Variants in PROS1 observed in about 807,000 individuals in gnomAD.
PROS1 encodes vitamin K-dependent protein S.
In PROS1, 29 loss-of-function variants were observed where a neutral mutation model predicts 75.9. The ratio of observed to expected loss-of-function variants is 0.38; its 90% confidence interval spans 0.28 to 0.52. The LOEUF (loss-of-function observed/expected upper bound fraction) is 0.52, where lower values mean the gene tolerates loss of function less well. PROS1 is among the 20% of genes least tolerant of loss of function. The pLI, the probability that PROS1 is intolerant of heterozygous loss-of-function variation, is 0.83. For synonymous variants in PROS1, 245 were observed against 280.6 expected (o/e 0.87, Z 1.27); for missense variants, 680 against 810.3 (o/e 0.84, Z 1.95).
intron 12 of PROS1, among the ~76,000 whole-genome samples, chr3:93,883,649 C>T (rs1202694395): frequency 2.0e-5 from 3 of 151,204 alleles, no homozygotes; most frequent in African/African-American, 7.3e-5. Context: ...CCAAACCATT[C>T]CCTTATTCTA....
chr3:93,885,611 C>T (rs1226591356), intron 11 of PROS1, among the ~76,000 whole-genome samples: 1 of 152,182 alleles, frequency 6.6e-6, no homozygotes, highest in African/African-American at 2.4e-5. Flanking sequence ...TGTTTGCATT[C>T]TTTAGCCTCC....
At chr3:93,894,993 G>A (rs1256401556) in intron 9 of PROS1, among the ~76,000 whole-genome samples, 3 of 152,060 alleles carry the variant, frequency 2.0e-5, no homozygotes, top group Non-Finnish European at 4.4e-5. Flanking sequence ...ATTGGCTCCA[G>A]GACCTCTGGA....
chr3:93,971,841 T>C (rs1374335521), intron 1 of PROS1, among the ~76,000 whole-genome samples: 1 of 152,068 alleles, frequency 6.6e-6, no homozygotes, highest in Non-Finnish European at 1.5e-5. Context: ...AATCAAATCA[T>C]ATGGATTAAA....
intron 13 of PROS1, among the ~76,000 whole-genome samples, chr3:93,877,647 A>G (rs1325723705): frequency 6.6e-6 from 1 of 152,222 alleles, no homozygotes; most frequent in African/African-American, 2.4e-5. Context: ...AAGCAATCCT[A>G]CAGACTTGGG....
intron 3 of PROS1, among the ~76,000 whole-genome samples, chr3:93,913,619 A>T (rs1708794365): frequency 6.6e-6 from 1 of 152,226 alleles, no homozygotes; most frequent in Non-Finnish European, 1.5e-5. Context: ...CATGATTCTA[A>T]GTTTCCCAAG....
rs534952070 is a variant in PROS1 at position 93,892,829 on chromosome 3, A to G, written c.1155+104T>C. The G allele has an allele frequency of 2.8e-6, 3 of 1,084,522 alleles. No homozygotes were observed. The South Asian group carries it at 3.8e-5, about 14-fold the overall frequency. The allele number at this position is 1,084,522 out of a possible 1,614,324, so 67.2% of individuals were successfully genotyped here. A position where few individuals can be genotyped will look rare whatever the true frequency, so the allele number is the denominator to read the frequency against. On this transcript the variant is annotated intron_variant, in intron 10 of 14. Coordinates refer to ENST00000394236, the MANE Select transcript of PROS1 (RefSeq NM_000313.4). ...TAGAATATACCTCATATAGCATCAGATAACTCCAAATCCATTTTGGTTTGG... is the reference window on the plus strand; with the variant it reads ...TAGAATATACCTCATATAGCATCAGGTAACTCCAAATCCATTTTGGTTTGG...
chr3:93,928,847 T>G (rs776920152), intron 1 of PROS1: 1 of 755,880 alleles, frequency 1.3e-6, no homozygotes, highest in South Asian at 1.7e-5. Flanking sequence ...CTACAGAGAA[T>G]AAACGGGAAA....
intron 1 of PROS1, among the ~76,000 whole-genome samples, chr3:93,933,501 GA>G (rs1189321506): frequency 4.6e-5 from 7 of 151,840 alleles, no homozygotes; most frequent in Non-Finnish European, 1.5e-5. Flanking sequence ...CTTGAGCCCA[GA>G]AGGTTGAGGT....
chr3:93,940,657 A>G (rs1709269980), intron 1 of PROS1, among the ~76,000 whole-genome samples: 1 of 151,494 alleles, frequency 6.6e-6, no homozygotes, highest in African/African-American at 2.4e-5. Flanking sequence ...TTCCTCTCAT[A>G]TCCCCCTACT....
At chr3:93,924,340 T>C (rs1444688302) in intron 2 of PROS1, 76 bp from the exon 3 acceptor site, 1 of 867,258 alleles carries the variant, frequency 1.2e-6, no homozygotes, top group African/African-American at 1.7e-5. Context: ...TTTTATAATG[T>C]GTTTTTATAT....
rs555352788 is a variant in PROS1, at chr3:93,877,388, A to G, written c.1645-197T>C. The stretch of plus-strand genomic sequence containing the variant: ...AATAATTATGACTAAAATTTAAAAT[A>G]CACATTAGTTTTACAAACTCAAAGT... On this transcript the variant is annotated intron_variant, in intron 13 of 14. Transcript: ENST00000394236. 3.3e-5 allele frequency among the ~76,000 whole-genome samples: 5 copies of G among 152,304 alleles called. No homozygotes were observed. The South Asian group carries it at 1.0e-3, about 32-fold the overall frequency.
chr3:93,965,691 C>A (rs1214485729), intron 1 of PROS1, among the ~76,000 whole-genome samples: 1 of 152,010 alleles, frequency 6.6e-6, no homozygotes, highest in Non-Finnish European at 1.5e-5. Flanking sequence ...TGATACTTTT[C>A]TTTTCTTTTC....
chr3:93,967,288 T>C (rs1425491530), intron 1 of PROS1, among the ~76,000 whole-genome samples: 1 of 152,236 alleles, frequency 6.6e-6, no homozygotes, highest in Non-Finnish European at 1.5e-5. Context: ...AGGAGCAGCA[T>C]AGGTAGAGAC....
At chr3:93,927,481 A>G (rs1709037396) in intron 1 of PROS1, 74 bp from the exon 2 acceptor site, 1 of 1,453,320 alleles carries the variant, frequency 6.9e-7, no homozygotes. Flanking sequence ...AAACAATAAG[A>G]GTTAAAATCA....
At chr3:93,944,859 G>C (rs1709353639) in intron 1 of PROS1, among the ~76,000 whole-genome samples, 1 of 152,000 alleles carries the variant, frequency 6.6e-6, no homozygotes, top group Non-Finnish European at 1.5e-5. Context: ...AAAAATCAAT[G>C]AATCTAGGAG....
intron 1 of PROS1, among the ~76,000 whole-genome samples, chr3:93,942,478 C>G (rs1212086952): frequency 2.0e-5 from 3 of 152,160 alleles, no homozygotes; most frequent in Non-Finnish European, 4.4e-5. Context: ...CATCAGATCC[C>G]ATCGCTCAGG....
chr3:93,911,022 T>A, intron 3 of PROS1: 1 of 311,620 alleles, frequency 3.2e-6, no homozygotes, highest in Non-Finnish European at 6.1e-6. Context: ...TCTATGTTTT[T>A]AATTCCACAG....
chr3:93,948,760 C>T (rs577263987), intron 1 of PROS1, among the ~76,000 whole-genome samples: 9 of 152,052 alleles, frequency 5.9e-5, no homozygotes, highest in East Asian at 3.8e-4. Context: ...TTGTTTTATG[C>T]GTGCCAGATC....
In PROS1 at chr3:93,951,908, CA is replaced by C. The variant is rs1173459839; in HGVS notation, c.76+21765del. Among the ~76,000 whole-genome samples, 17 of 151,388 alleles carry C rather than the reference CA, an allele frequency of 1.1e-4. No individual in the cohort carries two copies. In the East Asian group the frequency reaches 2.9e-3, roughly 26 times the overall value. ...GAAGAGCTACCAAGCAAATGGGAAA[CA>C]AAAAAAAGCAGGGGTTGCAATCCTA... On this transcript the variant is annotated intron_variant, in intron 1 of 14. Transcript: ENST00000394236.
Sources: allele counts gnomAD v4.1 joint callset (sites outside exome capture counted in the v4.1 genomes callset), GRCh38; gene constraint gnomAD v4.1.1; transcripts MANE v1.5; gene names NCBI Gene and HGNC (gene_info 2026-07-23, HGNC 2026-07-21).